The following VSTM4 variants were observed in gnomAD, a reference collection of about 807,000 sequenced individuals.
The protein encoded by VSTM4 is V-set and transmembrane domain-containing protein 4.
In VSTM4, 20 loss-of-function variants were observed where a neutral mutation model predicts 36.4. That is an observed-to-expected ratio of 0.55 (90% CI 0.39 to 0.80). The LOEUF (loss-of-function observed/expected upper bound fraction) is 0.80, where lower values mean the gene tolerates loss of function less well. Among genes scored for constraint, VSTM4 ranks in the 30% least tolerant of loss-of-function variants. The pLI, the probability that VSTM4 is intolerant of heterozygous loss-of-function variation, is 0.00. For missense variants in VSTM4, 392 were observed against 404.5 expected (o/e 0.97, Z 0.26); for synonymous variants, 182 against 173.9 (o/e 1.05, Z -0.37).
At chr10:49,049,383 C>T (rs891578705) in intron 5 of VSTM4, among the ~76,000 whole-genome samples, 1 of 152,128 alleles carries the variant, frequency 6.6e-6, no homozygotes. Flanking sequence ...AGGAAAGCTG[C>T]AAACATACAC....
chr10:49,080,057 CAA>C (rs1347526290), intron 3 of VSTM4, among the ~76,000 whole-genome samples: 3 of 152,164 alleles, frequency 2.0e-5, no homozygotes, highest in Non-Finnish European at 4.4e-5. Context: ...ATTGGCTACT[CAA>C]AGTGTTTCTA....
intron 7 of VSTM4, among the ~76,000 whole-genome samples, chr10:49,046,254 A>T (rs139127664): frequency 1.3e-3 from 196 of 152,340 alleles, no homozygotes; most frequent in Non-Finnish European, 1.9e-3. Context: ...AACCTCAGAG[A>T]GTACCAAATT....
In VSTM4 at chr10:49,017,647, G is replaced by A. The variant is rs958154472; in HGVS notation, c.*2003C>T. 1.3e-5 allele frequency: 2 copies of A among 152,066 alleles called. No homozygotes were observed. Among genetic ancestry groups the A allele is most frequent in the Non-Finnish European group, 2.9e-5 (2 of 68,018 alleles). 9.4% of individuals were successfully genotyped at this position (152,066 alleles called of 1,614,324 possible). On this transcript the variant is annotated 3_prime_UTR_variant, in exon 8 of 8. Coordinates refer to ENST00000332853, the MANE Select transcript of VSTM4 (RefSeq NM_001031746.5). ...CATTTCCGTTCTGTAGAGGCCTAAGGGGCCTGGGAAGATATTACCCCCTGG... is the reference window on the plus strand; with the variant it reads ...CATTTCCGTTCTGTAGAGGCCTAAGAGGCCTGGGAAGATATTACCCCCTGG...
intron 3 of VSTM4, among the ~76,000 whole-genome samples, chr10:49,082,315 A>C (rs1276551050): frequency 6.6e-6 from 1 of 152,252 alleles, no homozygotes; most frequent in African/African-American, 2.4e-5. Context: ...CTTTCAACAA[A>C]GGCTTGAGTT....
chr10:49,046,612 T>C (rs1843615038), intron 7 of VSTM4, among the ~76,000 whole-genome samples: 1 of 152,222 alleles, frequency 6.6e-6, no homozygotes, highest in Non-Finnish European at 1.5e-5. Flanking sequence ...AATCTAAAAT[T>C]GTTCAAAATC....
chr10:49,107,231 T>C (rs1353759998), intron 2 of VSTM4, among the ~76,000 whole-genome samples: 1 of 152,258 alleles, frequency 6.6e-6, no homozygotes, highest in Non-Finnish European at 1.5e-5. Context: ...CAATAGCTAC[T>C]GCTGAATAAA....
intron 7 of VSTM4, among the ~76,000 whole-genome samples, chr10:49,021,939 T>C (rs1455818104): frequency 6.6e-6 from 1 of 152,114 alleles, no homozygotes; most frequent in Non-Finnish European, 1.5e-5. Context: ...AATATGTGGG[T>C]ACATATTTTA....
In VSTM4 at chr10:49,016,970, A is replaced by G. The variant is rs1843113552; in HGVS notation, c.*2680T>C. On this transcript the variant is annotated 3_prime_UTR_variant, in exon 8 of 8. Transcript: ENST00000332853. ...TGCCTGAAAGAAGCCACTGCACTCT[A>G]ACCAATGGGTTCATACTTCTTTTAG... is the stretch of plus-strand genomic sequence containing the variant. 6.6e-6 allele frequency: 1 copy of G among 152,324 alleles called. No individual in the cohort carries two copies. Among genetic ancestry groups the G allele is most frequent in the Admixed American group, 6.5e-5 (1 of 15,286 alleles). 9.4% of individuals were successfully genotyped at this position (152,324 alleles called of 1,614,324 possible).
intron 7 of VSTM4, among the ~76,000 whole-genome samples, chr10:49,021,896 G>A (rs993835674): frequency 1.3e-5 from 2 of 152,160 alleles, no homozygotes; most frequent in African/African-American, 4.8e-5. Context: ...ATCATATCCT[G>A]TGTAAATATG....
At chr10:49,093,985 G>A (rs529193276) in intron 2 of VSTM4, among the ~76,000 whole-genome samples, 27 of 152,126 alleles carry the variant, frequency 1.8e-4, no homozygotes, top group African/African-American at 5.1e-4. Flanking sequence ...CTGACCTCGC[G>A]ATCCACCCAC....
chr10:49,045,463 C>G (rs1843593759), intron 7 of VSTM4, among the ~76,000 whole-genome samples: 1 of 152,036 alleles, frequency 6.6e-6, no homozygotes, highest in Non-Finnish European at 1.5e-5. Flanking sequence ...CTGCTGCAAG[C>G]AAAATCTACT....
intron 4 of VSTM4, among the ~76,000 whole-genome samples, chr10:49,065,372 C>G (rs746634380): frequency 6.6e-6 from 1 of 152,206 alleles, no homozygotes; most frequent in Admixed American, 6.5e-5. Context: ...TAGATTGTTA[C>G]ATCAGTGGAC....
rs1843131384 is a variant in VSTM4 at position 49,018,292 on chromosome 10, A to G, written c.*1358T>C. The G allele has an allele frequency of 6.6e-6, 1 of 152,236 alleles. No homozygotes were observed. Among genetic ancestry groups the G allele is most frequent in the Non-Finnish European group, 1.5e-5 (1 of 68,048 alleles). The allele number at this position is 152,236 out of a possible 1,614,324, so 9.4% of individuals were successfully genotyped here. On this transcript the variant is annotated 3_prime_UTR_variant, in exon 8 of 8. Coordinates refer to ENST00000332853, the MANE Select transcript of VSTM4 (RefSeq NM_001031746.5). The stretch of plus-strand genomic sequence containing the variant: ...ATTTGTGTAGCAATTTACAGTTTCT[A>G]GAACTGGCAAGATTCATTATCCCAT...
intron 2 of VSTM4, chr10:49,103,670 A>C: frequency 6.3e-7 from 1 of 1,580,808 alleles, no homozygotes. Context: ...ATGACAGGGA[A>C]ATGAGGAGAG....
intron 2 of VSTM4, among the ~76,000 whole-genome samples, chr10:49,096,468 G>A (rs572732772): frequency 7.2e-5 from 11 of 152,272 alleles, no homozygotes; most frequent in African/African-American, 2.6e-4. Context: ...TTAAACTGCA[G>A]GAGACATCCC....
intron 3 of VSTM4, among the ~76,000 whole-genome samples, chr10:49,079,599 G>A (rs1378875345): frequency 1.3e-5 from 2 of 152,142 alleles, no homozygotes; most frequent in Non-Finnish European, 2.9e-5. Flanking sequence ...ACTTTCCTGA[G>A]TCCAAGAAAG....
intron 5 of VSTM4, among the ~76,000 whole-genome samples, chr10:49,055,292 C>T (rs888091867): frequency 2.0e-5 from 3 of 152,186 alleles, no homozygotes; most frequent in African/African-American, 7.2e-5. Flanking sequence ...CATGTATTTC[C>T]TGTCTTCCTG....
chr10:49,111,018 G>A (rs540623532), intron 1 of VSTM4, among the ~76,000 whole-genome samples: 1 of 152,322 alleles, frequency 6.6e-6, no homozygotes, highest in African/African-American at 2.4e-5. Flanking sequence ...CTTTGCTGGA[G>A]GACACAAGCT....
chr10:49,069,370 A>G (rs142265466), intron 4 of VSTM4, among the ~76,000 whole-genome samples: 2 of 152,308 alleles, frequency 1.3e-5, no homozygotes, highest in Non-Finnish European at 2.9e-5. Flanking sequence ...CGAGGCAAGG[A>G]CTGTGGCAAC....
Sources: allele counts gnomAD v4.1 joint callset (sites outside exome capture counted in the v4.1 genomes callset), GRCh38; gene constraint gnomAD v4.1.1; transcripts MANE v1.5; gene names NCBI Gene and HGNC (gene_info 2026-07-23, HGNC 2026-07-21).